TEX9: variants seen among roughly 807,000 people sequenced by gnomAD.
TEX9 encodes testis-expressed protein 9.
In TEX9, 74 loss-of-function variants were observed where a neutral mutation model predicts 59.6. The ratio of observed to expected loss-of-function variants is 1.24; its 90% confidence interval spans 1.03 to 1.51. The LOEUF is 1.51. TEX9 is among the 40% of genes most tolerant of loss of function. The pLI, the probability that TEX9 is intolerant of heterozygous loss-of-function variation, is 0.00. For synonymous variants in TEX9, 186 were observed against 152.2 expected, an observed-to-expected ratio of 1.22 and a Z score of -1.64; for missense variants, 522 against 447.8, an observed-to-expected ratio of 1.17 and a Z score of -1.49.
chr15:56,405,938 T>A (rs1183583761), intron 9 of TEX9, among the ~76,000 whole-genome samples: 1 of 152,246 alleles, frequency 6.6e-6, no homozygotes, highest in Non-Finnish European at 1.5e-5. Flanking sequence ...GTGATTTCTT[T>A]AAAATCAACT....
At chr15:56,258,854 T>C (rs1391278285) in intron 1 of TEX9, among the ~76,000 whole-genome samples, 3 of 151,076 alleles carry the variant, frequency 2.0e-5, no homozygotes, top group South Asian at 2.1e-4. Flanking sequence ...AGACATTCTT[T>C]AGATATTGTA....
chr15:56,264,656 G>T (rs1409843228), intron 1 of TEX9, among the ~76,000 whole-genome samples: 1 of 152,160 alleles, frequency 6.6e-6, no homozygotes, highest in Non-Finnish European at 1.5e-5. Flanking sequence ...TATTGACTAA[G>T]TAATCTCTGA....
intron 1 of TEX9, among the ~76,000 whole-genome samples, chr15:56,328,769 A>G (rs1175092843): frequency 1.3e-5 from 2 of 152,274 alleles, no homozygotes; most frequent in African/African-American, 2.4e-5. Flanking sequence ...ACTCAGTGGT[A>G]AAATAGAACA....
At chr15:56,335,757 A>G (rs1416506205) in intron 1 of TEX9, among the ~76,000 whole-genome samples, 2 of 152,168 alleles carry the variant, frequency 1.3e-5, no homozygotes, top group Non-Finnish European at 2.9e-5. Flanking sequence ...TATCTCATGT[A>G]ACCCATAAAT....
chr15:56,427,672 A>G (rs758131048), exon 11 of TEX9: 1 of 1,545,388 alleles, frequency 6.5e-7, no homozygotes, highest in Non-Finnish European at 8.7e-7. Context: ...CTAGAAAAAC[A>G]AAAAGGAGAA....
chr15:56,258,946 T>C lies in TEX9; in HGVS notation c.-107+14668T>C, dbSNP rs572469299. ...AACACCTATATGTATATATAAAACATATATAATACATATATATATGCATAT... is the reference window on the plus strand; with the variant it reads ...AACACCTATATGTATATATAAAACACATATAATACATATATATATGCATAT... On this transcript the variant is annotated intron_variant, in intron 1 of 5. Transcript: ENST00000560827. Among the ~76,000 whole-genome samples the C allele has an allele frequency of 2.9e-4, 43 of 149,648 alleles. 1 individual carries two copies. The South Asian group carries it at 8.8e-3, about 30-fold the overall frequency.
At chr15:56,303,541 C>T (rs541358259) in intron 1 of TEX9, among the ~76,000 whole-genome samples, 22 of 152,108 alleles carry the variant, frequency 1.4e-4, no homozygotes, top group South Asian at 2.1e-4. Context: ...CAGCAAAATA[C>T]GTACTAAGAC....
exon 7 of TEX9, chr15:56,391,283 G>C: frequency 6.3e-7 from 1 of 1,580,986 alleles, no homozygotes; most frequent in Non-Finnish European, 8.6e-7. Context: ...TGCCGACGAT[G>C]TTGCCATTCC....
chr15:56,345,862 A>T (rs2046460457), intron 1 of TEX9, among the ~76,000 whole-genome samples: 1 of 152,220 alleles, frequency 6.6e-6, no homozygotes, highest in Admixed American at 6.5e-5. Flanking sequence ...ATTCAGCTGG[A>T]CAGCATGTTG....
At chr15:56,245,733 G>T (rs1370113859) in intron 1 of TEX9, among the ~76,000 whole-genome samples, 1 of 152,156 alleles carries the variant, frequency 6.6e-6, no homozygotes, top group East Asian at 1.9e-4. Flanking sequence ...TGGAAGCTTA[G>T]GTTAATTAAC....
At chr15:56,427,029 T>C (rs563655341) in intron 10 of TEX9, among the ~76,000 whole-genome samples, 6 of 152,060 alleles carry the variant, frequency 3.9e-5, no homozygotes, top group Non-Finnish European at 8.8e-5. Flanking sequence ...TACGTATGCA[T>C]GTTTTGAGGG....
intron 1 of TEX9, among the ~76,000 whole-genome samples, chr15:56,324,529 A>G (rs1177674971): frequency 6.6e-6 from 1 of 152,236 alleles, no homozygotes; most frequent in Non-Finnish European, 1.5e-5. Context: ...ATACTGCATT[A>G]GAAATTATTT....
chr15:56,386,798 C>G (rs1385959197), intron 4 of TEX9, among the ~76,000 whole-genome samples: 2 of 151,788 alleles, frequency 1.3e-5, no homozygotes, highest in Non-Finnish European at 2.9e-5. Flanking sequence ...TGATGACGCT[C>G]TGTTTACCTA....
In TEX9 at chr15:56,332,238, A is replaced by G. The variant is rs1421373770; in HGVS notation, c.-106-41203A>G. On this transcript the variant is annotated intron_variant, in intron 1 of 5. Coordinates refer to the TEX9 transcript ENST00000560827. ...ACCAACCCAAATGTCCAACAATGAT[A>G]GACTGGATTAAGAAAATGTGGCACA... is the stretch of plus-strand genomic sequence containing the variant. Among the ~76,000 whole-genome samples, 10 of 149,566 alleles carry G rather than the reference A, an allele frequency of 6.7e-5. No individual in the cohort carries two copies. The East Asian group carries it at 1.8e-3, about 27-fold the overall frequency.
chr15:56,338,787 G>T (rs1365509805), intron 1 of TEX9, among the ~76,000 whole-genome samples: 1 of 151,932 alleles, frequency 6.6e-6, no homozygotes, highest in South Asian at 2.1e-4. Flanking sequence ...GCATGGTGGC[G>T]AGTGCCTTTA....
At chr15:56,275,158 A>T (rs1465066576) in intron 1 of TEX9, among the ~76,000 whole-genome samples, 1 of 152,126 alleles carries the variant, frequency 6.6e-6, no homozygotes, top group East Asian at 1.9e-4. Context: ...AATGGTCTAG[A>T]TCCAGAATGG....
At chr15:56,372,244 G>C (rs193130695) in intron 2 of TEX9, among the ~76,000 whole-genome samples, 2 of 152,128 alleles carry the variant, frequency 1.3e-5, no homozygotes, top group East Asian at 1.9e-4. Context: ...TTTTTCTTTT[G>C]ACCAGGTAAT....
intron 1 of TEX9, among the ~76,000 whole-genome samples, chr15:56,328,147 C>T (rs189702605): frequency 6.6e-6 from 1 of 152,052 alleles, no homozygotes; most frequent in Admixed American, 6.5e-5. Flanking sequence ...GATACCAGCT[C>T]AGCCACAATA....
intron 1 of TEX9, among the ~76,000 whole-genome samples, chr15:56,342,727 G>A (rs1202291063): frequency 6.6e-6 from 1 of 152,110 alleles, no homozygotes; most frequent in Non-Finnish European, 1.5e-5. Flanking sequence ...GGACAAATGT[G>A]GTTTTGTTAA....
Sources: allele counts gnomAD v4.1 joint callset (sites outside exome capture counted in the v4.1 genomes callset), GRCh38; gene constraint gnomAD v4.1.1; transcripts MANE v1.5; gene names NCBI Gene and HGNC (gene_info 2026-07-23, HGNC 2026-07-21).